The following THSD7A variants were observed in gnomAD, a reference collection of about 807,000 sequenced individuals.
THSD7A encodes the protein thrombospondin type 1 domain containing 7A.
THSD7A carries 96 observed loss-of-function variants against 231.3 expected under a neutral mutation model. The ratio of observed to expected loss-of-function variants is 0.41; its 90% CI spans 0.35 to 0.49. The LOEUF (loss-of-function observed/expected upper bound fraction) is 0.49, where lower values mean the gene tolerates loss of function less well. Ranked by LOEUF, THSD7A falls within the 20% of genes least tolerant of loss-of-function variation. The pLI is 0.05. For synonymous variants in THSD7A, 940 were observed against 743.3 expected, an observed-to-expected ratio of 1.26 and a Z score of -4.30; for missense variants, 2,290 against 2,070.2, an observed-to-expected ratio of 1.11 and a Z score of -2.06.
intron 25 of THSD7A, 134 bp downstream of exon 25, chr7:11,379,496 A>T (rs924935077): frequency 2.2e-6 from 2 of 929,758 alleles, no homozygotes; most frequent in Admixed American, 5.1e-5. Context: ...TTTTAGATTG[A>T]TAAAAGGAGA....
rs759256038 is a variant in THSD7A, at chr7:11,541,592, G to C, written c.1649C>G (p.Thr550Ser). 4 of 1,614,012 alleles carry C rather than the reference G, an allele frequency of 2.5e-6. No individual in the cohort carries two copies. The Admixed American group carries it at 5.0e-5, about 20-fold the overall frequency. The change falls in exon 6 of 28, where the codon ACT becomes AGT. Residue 550 changes from threonine (T) to serine (S), a missense_variant. Physicochemically the swap from Thr to Ser is moderately conservative, Grantham distance 58 (BLOSUM62 1). Transcript: ENST00000423059. Reference protein sequence around the residue: ...LRKRRITNEPTGGSGVTGNCP... With the variant: ...LRKRRITNEPSGGSGVTGNCP... The stretch of plus-strand genomic sequence containing the variant: ...GTTTCCGGTTACCCCAGAGCCTCCA[G>C]TGGGCTCATTGGTAATGCGCCGCTT...
At chr7:11,716,898 G>A (rs1368993510) in intron 1 of THSD7A, among the ~76,000 whole-genome samples, 1 of 151,410 alleles carries the variant, frequency 6.6e-6, no homozygotes, top group South Asian at 2.1e-4. Context: ...ACAGAACCCA[G>A]AAAACAAAAG....
chr7:11,539,807 A>G (rs1481239347), intron 6 of THSD7A, among the ~76,000 whole-genome samples: 1 of 152,234 alleles, frequency 6.6e-6, no homozygotes, highest in Non-Finnish European at 1.5e-5. Context: ...CAGAAGTGCC[A>G]TGCAAAGTTA....
At chr7:11,711,678 G>C (rs1234568099) in intron 1 of THSD7A, among the ~76,000 whole-genome samples, 1 of 151,012 alleles carries the variant, frequency 6.6e-6, no homozygotes, top group East Asian at 2.0e-4. Context: ...ATTTCAACTG[G>C]TTACTTCCCA....
intron 1 of THSD7A, among the ~76,000 whole-genome samples, chr7:11,815,041 T>G (rs760800153): frequency 5.3e-5 from 8 of 151,936 alleles, no homozygotes; most frequent in Non-Finnish European, 1.2e-4. Context: ...TTAATTTGAA[T>G]TTGTTGTTAC....
At position 11,660,143 on chromosome 7, in the gene THSD7A, T is replaced by C. The variant is rs148442878; in HGVS notation, c.191-23182A>G. Among the ~76,000 whole-genome samples the C allele has an allele frequency of 3.6e-3, 545 of 151,674 alleles. 2 individuals are homozygous for C. Among genetic ancestry groups the C allele is most frequent in the Non-Finnish European group, 6.3e-3 (427 of 67,610 alleles). Reference sequence around the variant, plus strand: ...TTAATATAGCAAGAAAGCCAATTTCTCCTAGAAAAATTTACAAACTCATTT... The same window carrying C: ...TTAATATAGCAAGAAAGCCAATTTCCCCTAGAAAAATTTACAAACTCATTT... On this transcript the variant is annotated intron_variant, in intron 1 of 27. Coordinates refer to ENST00000423059, the MANE Select transcript of THSD7A (RefSeq NM_015204.3).
intron 5 of THSD7A, 94 bp from the exon 6 acceptor site, chr7:11,541,725 A>C: frequency 3.4e-6 from 4 of 1,176,652 alleles, no homozygotes; most frequent in Non-Finnish European, 4.9e-6. Context: ...GTTGGATAAG[A>C]GTGGAGGTAG....
chr7:11,464,547 T>A (rs942142509), intron 9 of THSD7A, among the ~76,000 whole-genome samples: 1 of 152,150 alleles, frequency 6.6e-6, no homozygotes, highest in Non-Finnish European at 1.5e-5. Context: ...AGAAAAAATG[T>A]CACTTAGAAT....
At chr7:11,494,334 A>C (rs960788547) in intron 6 of THSD7A, among the ~76,000 whole-genome samples, 6 of 151,794 alleles carry the variant, frequency 4.0e-5, no homozygotes, top group African/African-American at 1.2e-4. Flanking sequence ...TAAGTCCTCC[A>C]CTCTTAATTC....
intron 16 of THSD7A, among the ~76,000 whole-genome samples, chr7:11,423,716 G>T (rs895585793): frequency 1.3e-5 from 2 of 152,052 alleles, no homozygotes; most frequent in African/African-American, 2.4e-5. Flanking sequence ...AGAGTGATGG[G>T]AGACTTGGGT....
At chr7:11,515,746 C>A (rs1788005344) in intron 6 of THSD7A, among the ~76,000 whole-genome samples, 1 of 152,104 alleles carries the variant, frequency 6.6e-6, no homozygotes, top group Non-Finnish European at 1.5e-5. Flanking sequence ...CTTCACATTT[C>A]ATATTTTAGT....
chr7:11,461,203 T>C (rs1489166406), intron 10 of THSD7A, among the ~76,000 whole-genome samples: 1 of 151,656 alleles, frequency 6.6e-6, no homozygotes, highest in African/African-American at 2.4e-5. Flanking sequence ...AAGTATAATA[T>C]GCTTTACAAA....
At chr7:11,631,961 G>A (rs1243583746) in intron 2 of THSD7A, among the ~76,000 whole-genome samples, 1 of 152,088 alleles carries the variant, frequency 6.6e-6, no homozygotes, top group Non-Finnish European at 1.5e-5. Context: ...TGCTTGGAGG[G>A]TTTGCCCTTG....
At chr7:11,580,969 A>G (rs571033315) in intron 4 of THSD7A, among the ~76,000 whole-genome samples, 158 of 152,286 alleles carry the variant, frequency 1.0e-3, no homozygotes, top group African/African-American at 3.8e-3. Context: ...TAATTGTTCA[A>G]TAAGTATTTG....
At chr7:11,717,402 A>T (rs1781177325) in intron 1 of THSD7A, among the ~76,000 whole-genome samples, 2 of 151,548 alleles carry the variant, frequency 1.3e-5, no homozygotes, top group Admixed American at 1.3e-4. Flanking sequence ...ACATGGTGGG[A>T]CTTCCATTAT....
At chr7:11,511,156 C>A (rs113698603) in intron 6 of THSD7A, among the ~76,000 whole-genome samples, 52 of 152,172 alleles carry the variant, frequency 3.4e-4, no homozygotes, top group African/African-American at 1.2e-3. Context: ...AGCAGAGAGC[C>A]AAATCATCAG....
intron 4 of THSD7A, among the ~76,000 whole-genome samples, chr7:11,546,201 C>T (rs1411341810): frequency 8.5e-5 from 5 of 59,058 alleles, no homozygotes; most frequent in East Asian, 5.2e-4. Context: ...TGTGGGCGCG[C>T]GCTCACACAC....
intron 16 of THSD7A, among the ~76,000 whole-genome samples, chr7:11,418,718 C>T (rs1007297850): frequency 5.3e-5 from 8 of 152,136 alleles, no homozygotes; most frequent in Non-Finnish European, 7.3e-5. Context: ...TTAGGAATGT[C>T]CTTTCCCTGT....
At chr7:11,774,147 T>C (rs942186706) in intron 1 of THSD7A, among the ~76,000 whole-genome samples, 16 of 152,200 alleles carry the variant, frequency 1.1e-4, no homozygotes, top group African/African-American at 3.1e-4. Context: ...AGACTTATTA[T>C]TCAGCCTTAA....
Sources: gnomAD v4.1 joint callset for allele counts (sites outside exome capture counted in the v4.1 genomes callset) on GRCh38, gnomAD v4.1.1 for gene constraint, MANE v1.5 for transcripts, NCBI Gene and HGNC (gene_info 2026-07-23, HGNC 2026-07-21) for gene names.